The following PPM1L variants were observed in gnomAD, a reference collection of about 807,000 sequenced individuals.
PPM1L encodes the protein protein phosphatase 1L.
A neutral mutation model predicts 31.4 loss-of-function variants in PPM1L; 13 were observed. The observed-to-expected ratio is 0.41, with a 90% confidence interval of 0.27 to 0.66. PPM1L has a LOEUF of 0.66. Among genes scored for constraint, PPM1L ranks in the 30% least tolerant of loss-of-function variants. PPM1L has a pLI of 0.29. For missense variants in PPM1L, 326 were observed against 453.7 expected, an observed-to-expected ratio of 0.72 and a Z score of 2.56; for synonymous variants, 184 against 175.4, an observed-to-expected ratio of 1.05 and a Z score of -0.39.
At chr3:160,968,499 G>A (rs1290960588) in intron 2 of PPM1L, among the ~76,000 whole-genome samples, 1 of 152,104 alleles carries the variant, frequency 6.6e-6, no homozygotes, top group African/African-American at 2.4e-5. Context: ...TACCAAGAGA[G>A]GGAATCTTTC....
intron 2 of PPM1L, among the ~76,000 whole-genome samples, chr3:161,059,932 C>T (rs571911113): frequency 1.1e-4 from 16 of 152,092 alleles, no homozygotes; most frequent in Non-Finnish European, 1.9e-4. Context: ...TCCCCAGAAG[C>T]AGAAGCCACT....
chr3:160,786,017 A>G (rs1253575247), intron 1 of PPM1L, among the ~76,000 whole-genome samples: 2 of 150,564 alleles, frequency 1.3e-5, no homozygotes, highest in Non-Finnish European at 3.0e-5. Context: ...TGACCAATTT[A>G]TACTTCCATT....
intron 2 of PPM1L, among the ~76,000 whole-genome samples, chr3:160,966,819 A>T (rs1163303950): frequency 2.6e-5 from 4 of 152,144 alleles, no homozygotes; most frequent in African/African-American, 9.6e-5. Context: ...TCAAAGTCAC[A>T]TTAGCATTCA....
intron 2 of PPM1L, among the ~76,000 whole-genome samples, chr3:161,012,916 T>C (rs1717944895): frequency 1.3e-5 from 2 of 152,166 alleles, no homozygotes; most frequent in Non-Finnish European, 2.9e-5. Flanking sequence ...CTTTTTTTCT[T>C]TATTAGTCTT....
At chr3:160,867,106 C>T (rs1246659698) in intron 1 of PPM1L, among the ~76,000 whole-genome samples, 1 of 152,172 alleles carries the variant, frequency 6.6e-6, no homozygotes, top group Non-Finnish European at 1.5e-5. Flanking sequence ...TCCCAAAGTG[C>T]TGGGAGCCTG....
intron 1 of PPM1L, among the ~76,000 whole-genome samples, chr3:160,953,638 A>T (rs983929119): frequency 6.6e-6 from 1 of 152,150 alleles, no homozygotes; most frequent in African/African-American, 2.4e-5. Context: ...ATCACTTATT[A>T]TCTCTTCTTG....
In PPM1L at chr3:160,769,995, C is replaced by G. The variant is rs143466641; in HGVS notation, c.399+13288C>G. ...AAATTCTGTGTATGAGGATGAAGTACTTATCCTTCTGCTGCTACTATAAAC... is the reference window on the plus strand; with the variant it reads ...AAATTCTGTGTATGAGGATGAAGTAGTTATCCTTCTGCTGCTACTATAAAC... On this transcript the variant is annotated intron_variant, in intron 1 of 3. Transcript: ENST00000498165. 6.0e-4 allele frequency among the ~76,000 whole-genome samples: 91 copies of G among 152,172 alleles called. No homozygotes were observed. In the East Asian group the frequency reaches 0.017, roughly 29 times the overall value.
chr3:160,861,235 T>C lies in PPM1L; in HGVS notation c.400-100501T>C, dbSNP rs557206514. On this transcript the variant is annotated intron_variant, in intron 1 of 3. Transcript: ENST00000498165. ...CCCAAAGAGTACAATGGAAGTTGTA[T>C]AGAGTAAGGATTATAATGAGAAGCA... Among the ~76,000 whole-genome samples the C allele has an allele frequency of 9.9e-5, 15 of 152,246 alleles. No homozygotes were observed. In the South Asian group the frequency reaches 2.9e-3, roughly 29 times the overall value.
chr3:161,064,401 T>A (rs566459752), intron 2 of PPM1L, among the ~76,000 whole-genome samples: 1 of 152,206 alleles, frequency 6.6e-6, no homozygotes, highest in African/African-American at 2.4e-5. Context: ...TCTTTTTTGT[T>A]GTTCCATGAA....
chr3:160,798,132 C>T (rs749650624), intron 1 of PPM1L, among the ~76,000 whole-genome samples: 32 of 152,076 alleles, frequency 2.1e-4, no homozygotes, highest in African/African-American at 5.1e-4. Context: ...GAGCCGAGAT[C>T]ACGCCATTGC....
Position 160,756,351 on chromosome 3 carries a change from A to T in PPM1L, c.43A>T (p.Ile15Phe). 6.2e-7 allele frequency: 1 copy of T among 1,614,204 alleles called. No individual in the cohort carries two copies. Among genetic ancestry groups the T allele is most frequent in the Non-Finnish European group, 8.5e-7 (1 of 1,180,032 alleles). Residue 15 changes from isoleucine (I) to phenylalanine (F), a missense_variant, in exon 1 of 4, where the codon ATC (isoleucine) becomes TTC (phenylalanine). By Grantham distance (21) the Ile-to-Phe change is conservative (BLOSUM62 0). Coordinates refer to ENST00000498165, the MANE Select transcript of PPM1L (RefSeq NM_139245.4). The surrounding 1 kb of genome is among the most constrained non-coding windows in gnomAD (Gnocchi z 6.2). ...GACTTTGCTGTCTCTGCTGGGTCGC[A>T]TCATGCGCTACTTCTTGCTGAGACC... ...TMTLLSLLGRIMRYFLLRPET... is the reference protein window; with the variant it reads ...TMTLLSLLGRFMRYFLLRPET...
At chr3:160,966,533 A>G (rs1332070413) in intron 2 of PPM1L, among the ~76,000 whole-genome samples, 1 of 152,074 alleles carries the variant, frequency 6.6e-6, no homozygotes, top group Non-Finnish European at 1.5e-5. Context: ...ATCATATTCT[A>G]TTTGAAAGTA....
At chr3:160,874,290 C>G (rs1444759633) in intron 1 of PPM1L, among the ~76,000 whole-genome samples, 1 of 152,164 alleles carries the variant, frequency 6.6e-6, no homozygotes, top group Non-Finnish European at 1.5e-5. Flanking sequence ...ACATCATTGT[C>G]TAGTTGCAGC....
rs1009800990 is a variant in PPM1L at position 160,894,817 on chromosome 3, T to G, written c.400-66919T>G. ...AGTAACAAATCTGCCTTCAGCATAA[T>G]TTCCCATAATCAAACATCATGATTA... On this transcript the variant is annotated intron_variant, in intron 1 of 3. Transcript: ENST00000498165. Among the ~76,000 whole-genome samples, 5 of 152,366 alleles carry G rather than the reference T, an allele frequency of 3.3e-5. No individual in the cohort carries two copies. In the East Asian group the frequency reaches 9.6e-4, roughly 29 times the overall value.
intron 2 of PPM1L, among the ~76,000 whole-genome samples, chr3:161,023,147 C>G (rs950723630): frequency 1.0e-4 from 15 of 145,948 alleles, no homozygotes; most frequent in African/African-American, 3.5e-4. Flanking sequence ...TTTTCTCTTG[C>G]TGCTCTCAAG....
intron 2 of PPM1L, among the ~76,000 whole-genome samples, chr3:161,003,679 A>G (rs1044657338): frequency 1.3e-5 from 2 of 152,194 alleles, no homozygotes; most frequent in African/African-American, 4.8e-5. Flanking sequence ...TGATTTTTGT[A>G]CATTGATTTT....
rs549225192 is a variant in PPM1L at position 160,914,657 on chromosome 3, T to C, written c.400-47079T>C. On this transcript the variant is annotated intron_variant, in intron 1 of 3. Coordinates refer to ENST00000498165, the MANE Select transcript of PPM1L (RefSeq NM_139245.4). ...TGGCTGCATAGTATTCCATGGTGTA[T>C]ATGTGCCACATTTTCTTGATCCAGT... 1.4e-3 allele frequency among the ~76,000 whole-genome samples: 209 copies of C among 152,274 alleles called. 1 individual carries two copies. Among genetic ancestry groups the C allele is most frequent in the African/African-American group, 4.8e-3 (199 of 41,560 alleles).
chr3:161,016,887 A>G (rs1168090369), intron 2 of PPM1L, among the ~76,000 whole-genome samples: 1 of 152,200 alleles, frequency 6.6e-6, no homozygotes, highest in Admixed American at 6.5e-5. Flanking sequence ...TTGCTCATCG[A>G]CTGGGTATTC....
At chr3:161,064,122 C>T (rs1488812774) in intron 2 of PPM1L, among the ~76,000 whole-genome samples, 1 of 150,576 alleles carries the variant, frequency 6.6e-6, no homozygotes, top group East Asian at 1.9e-4. Flanking sequence ...ACCACCATGG[C>T]ACATGTATAC....
Sources: allele counts gnomAD v4.1 joint callset (sites outside exome capture counted in the v4.1 genomes callset), GRCh38; gene constraint gnomAD v4.1.1; non-coding constraint Gnocchi (gnomAD v3.1); transcripts MANE v1.5; gene names NCBI Gene and HGNC (gene_info 2026-07-23, HGNC 2026-07-21).